NXPH2: variants seen among roughly 807,000 people sequenced by gnomAD.
The protein encoded by NXPH2 is neurexophilin 2, also known as neurexophilin-2.
Under a neutral mutation model 19.8 loss-of-function variants are expected in NXPH2, and 5 were observed. That is an observed-to-expected ratio of 0.25 (90% CI 0.13 to 0.53). The LOEUF (loss-of-function observed/expected upper bound fraction) is 0.53. NXPH2 is among the 20% of genes least tolerant of loss of function. The pLI, the probability that NXPH2 is intolerant of heterozygous loss-of-function variation, is 0.96. For missense variants in NXPH2, 289 were observed against 322.8 expected, an observed-to-expected ratio of 0.90 and a Z score of 0.80; for synonymous variants, 154 against 127.4, an observed-to-expected ratio of 1.21 and a Z score of -1.41.
At chr2:138,710,983 T>G (rs962810692) in intron 1 of NXPH2, among the ~76,000 whole-genome samples, 1 of 152,108 alleles carries the variant, frequency 6.6e-6, no homozygotes. Flanking sequence ...TGCTGCCATC[T>G]TCCTGGAGCC....
Position 138,671,288 on chromosome 2 carries a change from A to G in NXPH2, c.429T>C (p.Ser143=). ...KIVDHGNGTF[S]VYFRHNSTGL... is the part of the protein sequence containing the mutation. ...CTGTTGAATTATGTCGGAAATACAC[A>G]CTGAAGGTTCCATTTCCATGGTCAA... Residue 143 remains serine, a synonymous_variant, in exon 2 of 2, where the codon AGT becomes AGC. Coordinates refer to ENST00000272641, the MANE Select transcript of NXPH2 (RefSeq NM_007226.3). 1.2e-6 allele frequency: 2 copies of G among 1,613,866 alleles called. No homozygotes were observed. Among genetic ancestry groups the G allele is most frequent in the Non-Finnish European group, 1.7e-6 (2 of 1,179,830 alleles).
At position 138,721,007 on chromosome 2, in the gene NXPH2, A is replaced by T. The variant is rs1349429198; in HGVS notation, c.52-49342T>A. 1.2e-4 allele frequency among the ~76,000 whole-genome samples: 18 copies of T among 152,230 alleles called. 1 individual carries two copies. The highest frequency in any genetic ancestry group is 1.2e-3 in the Admixed American group (18 of 15,282). ...GTGTAAATGTGAAACTGAAGGACGC[A>T]TGCAGGGCATTATTAAATACTTTTG... On this transcript the variant is annotated intron_variant, in intron 1 of 1. Transcript: ENST00000272641.
intron 1 of NXPH2, among the ~76,000 whole-genome samples, chr2:138,750,045 A>T (rs1300485408): frequency 6.6e-6 from 1 of 152,194 alleles, no homozygotes; most frequent in East Asian, 1.9e-4. Flanking sequence ...TTCAATTTAA[A>T]CATCGTTTTC....
intron 1 of NXPH2, among the ~76,000 whole-genome samples, chr2:138,738,828 G>A (rs1459945836): frequency 6.6e-6 from 1 of 152,192 alleles, no homozygotes; most frequent in African/African-American, 2.4e-5. Context: ...CAGCATCAAA[G>A]GGCACAAAAT....
intron 1 of NXPH2, among the ~76,000 whole-genome samples, chr2:138,768,660 C>A (rs574769514): frequency 8.1e-4 from 124 of 152,318 alleles, no homozygotes; most frequent in Non-Finnish European, 5.9e-5. Context: ...CTGTGAGCTG[C>A]CCCATTTTAA....
chr2:138,679,075 G>A (rs1223665204), intron 1 of NXPH2, among the ~76,000 whole-genome samples: 2 of 152,128 alleles, frequency 1.3e-5, no homozygotes, highest in African/African-American at 4.8e-5. Flanking sequence ...TGATAGCTCC[G>A]CTTCTTCTCC....
At chr2:138,711,587 A>G (rs1681106822) in intron 1 of NXPH2, among the ~76,000 whole-genome samples, 2 of 152,112 alleles carry the variant, frequency 1.3e-5, no homozygotes, top group African/African-American at 4.8e-5. Flanking sequence ...AGTATCATAT[A>G]CAGTGCAGAT....
intron 1 of NXPH2, among the ~76,000 whole-genome samples, chr2:138,712,783 T>C (rs1681123990): frequency 6.6e-6 from 1 of 152,146 alleles, no homozygotes; most frequent in African/African-American, 2.4e-5. Flanking sequence ...AGCTCTTATC[T>C]TCATGTGTGA....
chr2:138,752,894 A>G (rs573607117), intron 1 of NXPH2, among the ~76,000 whole-genome samples: 5 of 152,184 alleles, frequency 3.3e-5, no homozygotes, highest in Non-Finnish European at 5.9e-5. Flanking sequence ...GAGGAATACT[A>G]CATAGACAAC....
intron 1 of NXPH2, among the ~76,000 whole-genome samples, chr2:138,729,915 T>A (rs76155438): frequency 6.6e-6 from 1 of 152,170 alleles, no homozygotes; most frequent in African/African-American, 2.4e-5. Flanking sequence ...CTGTAACAAA[T>A]ACCACAGACT....
intron 1 of NXPH2, among the ~76,000 whole-genome samples, chr2:138,690,144 C>G (rs1470113704): frequency 6.6e-6 from 1 of 152,186 alleles, no homozygotes; most frequent in African/African-American, 2.4e-5. Flanking sequence ...ATCCTTCCCA[C>G]CTATGCGTCT....
chr2:138,718,090 A>G (rs1053909129), intron 1 of NXPH2, among the ~76,000 whole-genome samples: 29 of 152,076 alleles, frequency 1.9e-4, no homozygotes, highest in African/African-American at 6.5e-4. Flanking sequence ...GTTCTAAGAG[A>G]TGAGAACAGA....
At chr2:138,721,481 G>A (rs1320819150) in intron 1 of NXPH2, among the ~76,000 whole-genome samples, 1 of 151,708 alleles carries the variant, frequency 6.6e-6, no homozygotes. Context: ...TTTTTTTAAT[G>A]GAGCAAAATA....
At chr2:138,769,991 A>G (rs1257735813) in intron 1 of NXPH2, among the ~76,000 whole-genome samples, 4 of 152,204 alleles carry the variant, frequency 2.6e-5, no homozygotes, top group East Asian at 3.8e-4. Context: ...TTTATGTGAA[A>G]CAAATTTAAG....
At chr2:138,698,888 G>C (rs1214153883) in intron 1 of NXPH2, among the ~76,000 whole-genome samples, 1 of 152,074 alleles carries the variant, frequency 6.6e-6, no homozygotes, top group Non-Finnish European at 1.5e-5. Context: ...GAATTATTTA[G>C]TCTTCTAGTT....
chr2:138,673,783 CT>C (rs1184357503), intron 1 of NXPH2, among the ~76,000 whole-genome samples: 15 of 151,426 alleles, frequency 9.9e-5, no homozygotes, highest in Non-Finnish European at 1.3e-4. Context: ...TGGACTAGAA[CT>C]TATTTCTTCC....
intron 1 of NXPH2, among the ~76,000 whole-genome samples, chr2:138,678,045 C>G (rs1363050877): frequency 1.3e-5 from 2 of 152,160 alleles, no homozygotes; most frequent in African/African-American, 4.8e-5. Context: ...GCTCCAGCAT[C>G]CTGTGCAGGA....
chr2:138,762,256 G>C (rs2104839628), intron 1 of NXPH2, among the ~76,000 whole-genome samples: 1 of 152,216 alleles, frequency 6.6e-6, no homozygotes, highest in South Asian at 2.1e-4. Flanking sequence ...TCCAGATTTT[G>C]CACCAATACT....
chr2:138,699,872 G>A (rs1680893559), intron 1 of NXPH2, among the ~76,000 whole-genome samples: 1 of 152,190 alleles, frequency 6.6e-6, no homozygotes, highest in African/African-American at 2.4e-5. Context: ...TTTGGCTGCA[G>A]GACGCCAACA....
Sources: gnomAD v4.1 joint callset for allele counts (sites outside exome capture counted in the v4.1 genomes callset) on GRCh38, gnomAD v4.1.1 for gene constraint, MANE v1.5 for transcripts, NCBI Gene and HGNC (gene_info 2026-07-23, HGNC 2026-07-21) for gene names.